ST6GAL1: variants seen among roughly 807,000 people sequenced by gnomAD.
The protein encoded by ST6GAL1 is ST6 beta-galactoside alpha-2,6-sialyltransferase 1, also known as beta-galactoside alpha-2,6-sialyltransferase 1.
Under a neutral mutation model 38.0 loss-of-function variants are expected in ST6GAL1, and 20 were observed. The ratio of observed to expected loss-of-function variants is 0.53; its 90% CI spans 0.37 to 0.77. The LOEUF (loss-of-function observed/expected upper bound fraction) is 0.77, where lower values mean the gene tolerates loss of function less well. ST6GAL1 is among the 30% of genes least tolerant of loss of function. The pLI, the probability that ST6GAL1 is intolerant of heterozygous loss-of-function variation, is 0.00. For synonymous variants in ST6GAL1, 196 were observed against 188.2 expected (o/e 1.04, Z -0.34); for missense variants, 432 against 496.4 (o/e 0.87, Z 1.23).
intron 2 of ST6GAL1, among the ~76,000 whole-genome samples, chr3:187,027,652 G>A (rs1385252398): frequency 6.6e-6 from 1 of 152,036 alleles, no homozygotes; most frequent in Non-Finnish European, 1.5e-5. Context: ...CTTCCTTTCT[G>A]TAGAAGCTCA....
At chr3:186,974,087 C>T (rs962813903) in intron 2 of ST6GAL1, among the ~76,000 whole-genome samples, 4 of 152,206 alleles carry the variant, frequency 2.6e-5, no homozygotes, top group East Asian at 1.9e-4. Context: ...GATACTTCCT[C>T]GGGAAAGTGA....
In ST6GAL1 at chr3:187,013,271, T is replaced by C. The variant is rs112084567; in HGVS notation, c.-182-25471T>C. 1.2e-3 allele frequency among the ~76,000 whole-genome samples: 183 copies of C among 152,326 alleles called. 1 individual carries two copies. The highest frequency in any genetic ancestry group is 4.1e-3 in the African/African-American group (172 of 41,580). On this transcript the variant is annotated intron_variant, in intron 2 of 7. Coordinates refer to ENST00000169298, the MANE Select transcript of ST6GAL1 (RefSeq NM_173216.2). ...TAACAAACATTTCCTCTGCACAGTTTAAAGCCTTCTCCCATCTATTACTTC... is the reference window on the plus strand; with the variant it reads ...TAACAAACATTTCCTCTGCACAGTTCAAAGCCTTCTCCCATCTATTACTTC...
chr3:187,013,028 C>G (rs1341047650), intron 2 of ST6GAL1, among the ~76,000 whole-genome samples: 1 of 152,178 alleles, frequency 6.6e-6, no homozygotes, highest in East Asian at 1.9e-4. Context: ...GAGAATTTAA[C>G]AATGTTGTGT....
chr3:186,945,280 TG>T (rs1428628215), intron 1 of ST6GAL1, among the ~76,000 whole-genome samples: 3 of 149,364 alleles, frequency 2.0e-5, no homozygotes, highest in Admixed American at 6.7e-5. Flanking sequence ...TGCTCTGGGC[TG>T]GGTGAAAGAG....
chr3:187,066,589 T>TGTGC (rs1011710939), intron 5 of ST6GAL1, among the ~76,000 whole-genome samples: 48 of 132,130 alleles, frequency 3.6e-4, no homozygotes, highest in Middle Eastern at 7.9e-3. Flanking sequence ...TATCTGAAGA[T>TGTGC]GTGCGTGCGT....
At chr3:187,052,947 TC>T (rs1279293550) in intron 5 of ST6GAL1, among the ~76,000 whole-genome samples, 1 of 152,228 alleles carries the variant, frequency 6.6e-6, no homozygotes, top group Non-Finnish European at 1.5e-5. Context: ...CTCCACATCC[TC>T]TCCAGCATCT....
chr3:187,064,002 C>T (rs962757241), intron 5 of ST6GAL1, among the ~76,000 whole-genome samples: 4 of 152,162 alleles, frequency 2.6e-5, no homozygotes, highest in Middle Eastern at 6.8e-3. Context: ...TAGCGATGGG[C>T]ACTACTGAAA....
chr3:187,014,804 A>G (rs545953112), intron 2 of ST6GAL1, among the ~76,000 whole-genome samples: 1 of 152,314 alleles, frequency 6.6e-6, no homozygotes, highest in African/African-American at 2.4e-5. Context: ...TTCTCAAATC[A>G]ACATCCTTAT....
At chr3:187,016,832 C>T (rs1717131593) in intron 2 of ST6GAL1, among the ~76,000 whole-genome samples, 1 of 152,202 alleles carries the variant, frequency 6.6e-6, no homozygotes, top group African/African-American at 2.4e-5. Context: ...GATTGAGCTG[C>T]AGCCGTGTTG....
intron 2 of ST6GAL1, among the ~76,000 whole-genome samples, chr3:187,001,164 C>T (rs1035179701): frequency 6.6e-6 from 1 of 152,176 alleles, no homozygotes; most frequent in Non-Finnish European, 1.5e-5. Context: ...GGCACAGAAG[C>T]GAGGTAGAAC....
chr3:186,972,497 G>A (rs952832811), intron 2 of ST6GAL1, among the ~76,000 whole-genome samples: 3 of 151,830 alleles, frequency 2.0e-5, no homozygotes, highest in Non-Finnish European at 2.9e-5. Flanking sequence ...TGATCTGCCC[G>A]CCCCGGCCTC....
chr3:186,992,352 G>C (rs1373523826), intron 2 of ST6GAL1, among the ~76,000 whole-genome samples: 1 of 152,088 alleles, frequency 6.6e-6, no homozygotes, highest in Non-Finnish European at 1.5e-5. Context: ...CACCATGATT[G>C]TAAGTTTCCT....
At chr3:187,056,159 G>A (rs1311989280) in intron 5 of ST6GAL1, among the ~76,000 whole-genome samples, 1 of 151,798 alleles carries the variant, frequency 6.6e-6, no homozygotes. Context: ...CATTTGCTTG[G>A]TAGATCTTCC....
chr3:187,010,784 A>T (rs2108558458), intron 2 of ST6GAL1, among the ~76,000 whole-genome samples: 1 of 152,354 alleles, frequency 6.6e-6, no homozygotes, highest in African/African-American at 2.4e-5. Context: ...GATAACGCCC[A>T]AAGCCCCGCG....
chr3:187,071,818 T>C (rs1719390777), intron 5 of ST6GAL1, among the ~76,000 whole-genome samples: 2 of 149,928 alleles, frequency 1.3e-5, no homozygotes, highest in Non-Finnish European at 3.0e-5. Flanking sequence ...GAGGGCCTAG[T>C]AAGATTACTC....
chr3:186,969,814 C>T (rs1395255160), intron 2 of ST6GAL1, among the ~76,000 whole-genome samples: 1 of 152,144 alleles, frequency 6.6e-6, no homozygotes, highest in Non-Finnish European at 1.5e-5. Flanking sequence ...AGGGTAGCCT[C>T]AGTAGAAGTT....
At chr3:186,980,925 G>C (rs76543093) in intron 2 of ST6GAL1, among the ~76,000 whole-genome samples, 2 of 152,112 alleles carry the variant, frequency 1.3e-5, no homozygotes, top group East Asian at 3.8e-4. Flanking sequence ...TCACGTGTTG[G>C]GTGTGATGGC....
At chr3:186,993,604 A>ATTTATTTT (rs200227384) in intron 2 of ST6GAL1, among the ~76,000 whole-genome samples, 15 of 87,440 alleles carry the variant, frequency 1.7e-4, no homozygotes, top group East Asian at 1.5e-3. Context: ...TTATTTATTT[A>ATTTATTTT]TATGTTTTAG....
chr3:186,936,810 CA>C (rs1713969837), intron 1 of ST6GAL1, among the ~76,000 whole-genome samples: 1 of 151,734 alleles, frequency 6.6e-6, no homozygotes, highest in Non-Finnish European at 1.5e-5. Context: ...ACATGGTGGG[CA>C]GGTGCCTGTA....
Sources: allele counts gnomAD v4.1 joint callset (sites outside exome capture counted in the v4.1 genomes callset), GRCh38; gene constraint gnomAD v4.1.1; transcripts MANE v1.5; gene names NCBI Gene and HGNC (gene_info 2026-07-23, HGNC 2026-07-21).